Variants in KCNH7 observed in about 807,000 individuals in gnomAD.
The protein encoded by KCNH7 is potassium voltage-gated channel subfamily H member 7.
In KCNH7, 49 loss-of-function variants were observed where a neutral mutation model predicts 120.8. The observed-to-expected ratio is 0.41, with a 90% CI of 0.32 to 0.51. The LOEUF (loss-of-function observed/expected upper bound fraction) is 0.51, where lower values mean the gene tolerates loss of function less well. KCNH7 is among the 20% of genes least tolerant of loss of function. The pLI is 0.38. For missense variants in KCNH7, 1,097 were observed against 1,446.6 expected (o/e 0.76, Z 3.92); for synonymous variants, 547 against 516.1 (o/e 1.06, Z -0.81).
rs139079136 is a variant in KCNH7 at position 162,458,104 on chromosome 2, CGTGT to C, written c.1129-11665_1129-11662del. ...ATTAAAATAGATATTTGGCTATGTGCGTGTGTGTGTGTGTGTGTGTGTGTGTGTG... is the reference window on the plus strand; with the variant it reads ...ATTAAAATAGATATTTGGCTATGTGCGTGTGTGTGTGTGTGTGTGTGTGTG... On this transcript the variant is annotated intron_variant, in intron 6 of 15. Transcript: ENST00000332142. Among the ~76,000 whole-genome samples, 229 of 130,828 alleles carry C rather than the reference CGTGT, an allele frequency of 1.8e-3. 1 individual carries two copies. The highest frequency in any genetic ancestry group is 8.5e-3 in the South Asian group (36 of 4,224). 85.8% of individuals were successfully genotyped at this position (130,828 alleles called of 152,430 possible).
intron 6 of KCNH7, among the ~76,000 whole-genome samples, chr2:162,470,396 G>A (rs1053223846): frequency 3.4e-5 from 5 of 148,220 alleles, no homozygotes; most frequent in East Asian, 2.1e-4. Context: ...CTGCCCGGCC[G>A]CCCCGTCTGA....
chr2:162,835,970 C>T (rs551361668), intron 2 of KCNH7, among the ~76,000 whole-genome samples: 138 of 152,138 alleles, frequency 9.1e-4, no homozygotes, highest in African/African-American at 3.1e-3. Context: ...CATAAACAGC[C>T]TTTATTGTTT....
At chr2:162,479,694 TG>T (rs1689864587) in intron 6 of KCNH7, among the ~76,000 whole-genome samples, 2 of 151,764 alleles carry the variant, frequency 1.3e-5, no homozygotes. Flanking sequence ...TGTGTGTGTG[TG>T]TGTGTGTGTT....
intron 2 of KCNH7, among the ~76,000 whole-genome samples, chr2:162,798,634 T>C (rs1684230629): frequency 6.6e-6 from 1 of 152,084 alleles, no homozygotes; most frequent in Admixed American, 6.6e-5. Flanking sequence ...ACCTCATGTT[T>C]GTGTTTGATT....
intron 2 of KCNH7, among the ~76,000 whole-genome samples, chr2:162,645,569 C>T (rs778272914): frequency 5.3e-5 from 8 of 152,186 alleles, no homozygotes; most frequent in Non-Finnish European, 1.0e-4. Flanking sequence ...TCTCTATAAA[C>T]GTTAAAATTA....
At chr2:162,564,226 CT>C (rs1277863779) in intron 2 of KCNH7, among the ~76,000 whole-genome samples, 5 of 151,928 alleles carry the variant, frequency 3.3e-5, no homozygotes, top group African/African-American at 1.2e-4. Context: ...AAAAAATCTC[CT>C]GCTAGAATCC....
intron 10 of KCNH7, among the ~76,000 whole-genome samples, chr2:162,398,400 C>T (rs200685155): frequency 6.6e-5 from 10 of 151,812 alleles, no homozygotes; most frequent in African/African-American, 2.4e-4. Flanking sequence ...AGAAAGGATA[C>T]ATTAACCACA....
At chr2:162,748,995 C>CTTCCTTCCT (rs1688449606) in intron 2 of KCNH7, among the ~76,000 whole-genome samples, 1 of 138,440 alleles carries the variant, frequency 7.2e-6, no homozygotes, top group Non-Finnish European at 1.6e-5. Flanking sequence ...TCCTTCTTTC[C>CTTCCTTCCT]TCTCTTTTGC....
intron 2 of KCNH7, among the ~76,000 whole-genome samples, chr2:162,689,040 CT>C (rs1326079054): frequency 2.0e-5 from 3 of 152,036 alleles, no homozygotes; most frequent in Non-Finnish European, 4.4e-5. Context: ...GCCCAAGTCA[CT>C]TTCTGGCACA....
At chr2:162,747,021 A>G (rs1688341969) in intron 2 of KCNH7, among the ~76,000 whole-genome samples, 1 of 152,186 alleles carries the variant, frequency 6.6e-6, no homozygotes, top group Admixed American at 6.5e-5. Flanking sequence ...GAAGAAAAAA[A>G]GTATGAAAAT....
intron 2 of KCNH7, among the ~76,000 whole-genome samples, chr2:162,550,884 T>C (rs919415979): frequency 7.9e-6 from 1 of 126,602 alleles, no homozygotes; most frequent in African/African-American, 3.3e-5. Context: ...AAAACTAGGC[T>C]AGATAATAAT....
In KCNH7 at chr2:162,728,449, T is replaced by A. The variant is rs184321958; in HGVS notation, c.307+108088A>T. 6.6e-4 allele frequency among the ~76,000 whole-genome samples: 101 copies of A among 152,322 alleles called. 1 individual carries two copies. The highest frequency in any genetic ancestry group is 2.3e-3 in the African/African-American group (95 of 41,576). ...CCCAGTAGGTGTCTTGTCTTTTTAT[T>A]TTCTTGATAGTGTCTTTCAGAAGAG... On this transcript the variant is annotated intron_variant, in intron 2 of 15. Transcript: ENST00000332142.
intron 9 of KCNH7, among the ~76,000 whole-genome samples, chr2:162,417,172 G>A (rs1183875737): frequency 6.6e-6 from 1 of 151,990 alleles, no homozygotes; most frequent in African/African-American, 2.4e-5. Context: ...AGAAAATATA[G>A]GACTTTTATT....
At chr2:162,415,242 C>T (rs1245860520) in intron 9 of KCNH7, among the ~76,000 whole-genome samples, 2 of 151,836 alleles carry the variant, frequency 1.3e-5, no homozygotes, top group South Asian at 2.1e-4. Flanking sequence ...CAGTGTTTCC[C>T]AGCTGCAAGT....
At chr2:162,487,469 G>C (rs931995476) in intron 6 of KCNH7, among the ~76,000 whole-genome samples, 3 of 152,062 alleles carry the variant, frequency 2.0e-5, no homozygotes, top group South Asian at 2.1e-4. Context: ...TAATTTTGGT[G>C]GGGGGTGAGT....
chr2:162,743,826 A>C (rs1433082061), intron 2 of KCNH7, among the ~76,000 whole-genome samples: 3 of 152,194 alleles, frequency 2.0e-5, no homozygotes, highest in Non-Finnish European at 4.4e-5. Context: ...AGTAAGAATT[A>C]TGACACATTA....
chr2:162,602,744 G>A (rs996369331), intron 2 of KCNH7, among the ~76,000 whole-genome samples: 3 of 151,734 alleles, frequency 2.0e-5, no homozygotes, highest in Non-Finnish European at 2.9e-5. Context: ...ATTGAACTGT[G>A]GTTTTGTATC....
intron 7 of KCNH7, among the ~76,000 whole-genome samples, chr2:162,436,065 A>AT (rs902226290): frequency 2.6e-5 from 4 of 151,756 alleles, no homozygotes; most frequent in Non-Finnish European, 5.9e-5. Context: ...GGAGAGAGAG[A>AT]TTTTTTAAAA....
chr2:162,437,757 G>A (rs1688292055), intron 7 of KCNH7, among the ~76,000 whole-genome samples: 1 of 152,054 alleles, frequency 6.6e-6, no homozygotes, highest in African/African-American at 2.4e-5. Context: ...CCATCAATAA[G>A]CAGGAACTTT....
Sources: gnomAD v4.1 joint callset for allele counts (sites outside exome capture counted in the v4.1 genomes callset) on GRCh38, gnomAD v4.1.1 for gene constraint, MANE v1.5 for transcripts, NCBI Gene and HGNC (gene_info 2026-07-23, HGNC 2026-07-21) for gene names.